FOXP1: variants seen among roughly 807,000 people sequenced by gnomAD.
The protein encoded by FOXP1 is forkhead box P1, also known as forkhead box protein P1.
FOXP1 carries 15 observed loss-of-function variants against 98.2 expected under a neutral mutation model. That is an observed-to-expected ratio of 0.15 (90% CI 0.10 to 0.24). FOXP1 has a LOEUF of 0.24. FOXP1 is among the 10% of genes least tolerant of loss of function. The probability of loss-of-function intolerance (pLI) is 1.00; values close to 1 mark genes in which losing one functional copy is unlikely to be tolerated. For synonymous variants in FOXP1, 371 were observed against 314.5 expected, an observed-to-expected ratio of 1.18 and a Z score of -1.90; for missense variants, 633 against 848.5, an observed-to-expected ratio of 0.75 and a Z score of 3.15.
chr3:71,301,650 T>G (rs1319788742), intron 4 of FOXP1, among the ~76,000 whole-genome samples: 1 of 152,178 alleles, frequency 6.6e-6, no homozygotes, highest in Non-Finnish European at 1.5e-5. Context: ...GTATTAGACT[T>G]TGCAATGCAG....
intron 2 of FOXP1, among the ~76,000 whole-genome samples, chr3:71,550,554 A>G (rs529917346): frequency 1.2e-4 from 19 of 152,272 alleles, no homozygotes; most frequent in Non-Finnish European, 2.4e-4. Flanking sequence ...GTGAATAGAA[A>G]GCAAAGCCAT....
At chr3:71,566,993 C>T (rs535497740) in intron 2 of FOXP1, among the ~76,000 whole-genome samples, 1 of 152,246 alleles carries the variant, frequency 6.6e-6, no homozygotes, top group South Asian at 2.1e-4. Flanking sequence ...TCACAGCCCC[C>T]ACAAAACTGC....
intron 5 of FOXP1, among the ~76,000 whole-genome samples, chr3:71,287,639 G>A (rs570400868): frequency 4.6e-5 from 7 of 151,894 alleles, no homozygotes; most frequent in Non-Finnish European, 1.0e-4. Flanking sequence ...AATTAGCTGG[G>A]CTTGGTGGCG....
intron 5 of FOXP1, among the ~76,000 whole-genome samples, chr3:71,256,088 T>C (rs1250736908): frequency 6.6e-6 from 1 of 152,234 alleles, no homozygotes; most frequent in East Asian, 1.9e-4. Context: ...GGTCTTGGTA[T>C]GTCATTACAT....
intron 19 of FOXP1, 59 bp downstream of exon 19, chr3:70,970,677 G>A (rs1350206355): frequency 7.7e-7 from 1 of 1,294,462 alleles, no homozygotes; most frequent in African/African-American, 1.5e-5. Context: ...AATATATTTT[G>A]AAATGAGTAG....
chr3:71,378,556 T>C (rs831072), intron 3 of FOXP1, among the ~76,000 whole-genome samples: 49,708 of 152,054 alleles, frequency 0.33, 9,890 homozygotes, highest in East Asian at 0.89. Flanking sequence ...GGTCACTTAG[T>C]AGCCATATTG....
At position 70,970,740 on chromosome 3, in the gene FOXP1, A is replaced by G; in HGVS notation, c.1718T>C (p.Leu573Ser). Residue 573 changes from leucine to serine, a missense_variant, in exon 19 of 21, where the codon TTA becomes TCA. By Grantham distance (145) the Leu-to-Ser change is moderately radical (BLOSUM62 -2). Coordinates refer to ENST00000649528, the MANE Select transcript of FOXP1 (RefSeq NM_001349338.3). ...CGGGACGGCCGTTAATCTTACCTGT[A>G]AAGCTGCATTGAGAGGTGTGCAGTA... is the stretch of plus-strand genomic sequence containing the variant. ...HAYCTPLNAA[L>S]QASMAENSIP... 1 of 1,613,188 alleles carries G rather than the reference A, an allele frequency of 6.2e-7. No individual in the cohort carries two copies. Among genetic ancestry groups the G allele is most frequent in the Non-Finnish European group, 8.5e-7 (1 of 1,179,098 alleles).
rs71120316 is a variant in FOXP1 at position 71,345,871 on chromosome 3, TAAAAAAAAAAAAA to T, written c.-73+13266_-73+13278del. On this transcript the variant is annotated intron_variant, in intron 4 of 20. Transcript: ENST00000649528. The stretch of plus-strand genomic sequence containing the variant: ...AGGTTTGAAATCAATAAAGTTTTTG[TAAAAAAAAAAAAA>T]AAAAAAAAAAAAAAGAGGAGTGAGG... Among the ~76,000 whole-genome samples, 14 of 55,098 alleles carry T rather than the reference TAAAAAAAAAAAAA, an allele frequency of 2.5e-4. 1 individual carries two copies. The highest frequency in any genetic ancestry group is 9.5e-4 in the South Asian group (1 of 1,058). The allele number at this position is 55,098 out of a possible 152,430, so 36.1% of individuals were successfully genotyped here.
chr3:71,081,646 T>C (rs887437249), intron 7 of FOXP1, among the ~76,000 whole-genome samples: 2 of 152,216 alleles, frequency 1.3e-5, no homozygotes, highest in Non-Finnish European at 2.9e-5. Flanking sequence ...GAGAAAACAG[T>C]CTTTCTGTAT....
intron 3 of FOXP1, among the ~76,000 whole-genome samples, chr3:71,425,426 A>T (rs548272368): frequency 6.6e-5 from 10 of 152,180 alleles, no homozygotes; most frequent in Admixed American, 6.5e-4. Context: ...ACACCCAGCC[A>T]TTTTACTGTT....
intron 6 of FOXP1, among the ~76,000 whole-genome samples, chr3:71,122,915 T>C (rs2058882966): frequency 6.6e-6 from 1 of 152,134 alleles, no homozygotes; most frequent in South Asian, 2.1e-4. Context: ...CCTCCGGAGC[T>C]AAAAATGCAT....
At chr3:70,994,520 C>T (rs2041091088) in intron 13 of FOXP1, among the ~76,000 whole-genome samples, 1 of 152,148 alleles carries the variant, frequency 6.6e-6, no homozygotes, top group Admixed American at 6.5e-5. Context: ...TGTCACCTTC[C>T]CCAATCCCTC....
intron 6 of FOXP1, among the ~76,000 whole-genome samples, chr3:71,196,210 C>A (rs1031317293): frequency 5.9e-5 from 9 of 152,250 alleles, no homozygotes; most frequent in African/African-American, 2.2e-4. Flanking sequence ...ATTTCTTGAC[C>A]TTTGTGTCAA....
intron 5 of FOXP1, among the ~76,000 whole-genome samples, chr3:71,281,135 G>A: frequency 6.6e-6 from 1 of 151,462 alleles, no homozygotes; most frequent in Admixed American, 6.6e-5. Context: ...AGGCTGAGGT[G>A]AGAGGATCAC....
chr3:71,296,824 C>G (rs1332542956), intron 5 of FOXP1, among the ~76,000 whole-genome samples: 3 of 152,158 alleles, frequency 2.0e-5, no homozygotes, highest in African/African-American at 7.2e-5. Flanking sequence ...AGTTCTTGCT[C>G]TATTAGTTCA....
intron 2 of FOXP1, among the ~76,000 whole-genome samples, chr3:71,517,947 AG>A (rs552666672): frequency 2.0e-4 from 30 of 152,302 alleles, no homozygotes; most frequent in Admixed American, 2.0e-4. Flanking sequence ...GAAATACATC[AG>A]GTGCACTGGA....
At chr3:71,494,806 C>T (rs1437524101) in intron 2 of FOXP1, among the ~76,000 whole-genome samples, 8 of 151,792 alleles carry the variant, frequency 5.3e-5, no homozygotes, top group Non-Finnish European at 1.2e-4. Flanking sequence ...GACCACACTT[C>T]GAGTCAAATG....
At chr3:71,125,157 T>C (rs1436179597) in intron 6 of FOXP1, among the ~76,000 whole-genome samples, 1 of 152,176 alleles carries the variant, frequency 6.6e-6, no homozygotes, top group African/African-American at 2.4e-5. Flanking sequence ...AATATTGAGC[T>C]AGGGGGAGAT....
intron 2 of FOXP1, among the ~76,000 whole-genome samples, chr3:71,549,028 C>T (rs1210138253): frequency 2.0e-5 from 3 of 152,170 alleles, no homozygotes; most frequent in African/African-American, 4.8e-5. Flanking sequence ...ACGTTAACCA[C>T]TGCACAACAC....
Sources: allele counts gnomAD v4.1 joint callset (sites outside exome capture counted in the v4.1 genomes callset), GRCh38; gene constraint gnomAD v4.1.1; transcripts MANE v1.5; gene names NCBI Gene and HGNC (gene_info 2026-07-23, HGNC 2026-07-21).